ULK2: variants seen among roughly 807,000 people sequenced by gnomAD.
The protein encoded by ULK2 is serine/threonine-protein kinase ULK2.
In ULK2, 76 loss-of-function variants were observed where a neutral mutation model predicts 127.5. The ratio of observed to expected loss-of-function variants is 0.60; its 90% CI spans 0.50 to 0.72. The LOEUF (loss-of-function observed/expected upper bound fraction) is 0.72, where lower values mean the gene tolerates loss of function less well. ULK2 is among the 30% of genes least tolerant of loss of function. The pLI is 0.00. For synonymous variants in ULK2, 452 were observed against 461.9 expected, an observed-to-expected ratio of 0.98 and a Z score of 0.28; for missense variants, 1,144 against 1,295.9, an observed-to-expected ratio of 0.88 and a Z score of 1.80.
chr17:19,839,660 CAAAA>C (rs58657992), intron 9 of ULK2, among the ~76,000 whole-genome samples: 3 of 70,348 alleles, frequency 4.3e-5, no homozygotes, highest in Non-Finnish European at 6.6e-5. Context: ...GACTCTGTCT[CAAAA>C]AAAAAAAAAA....
intron 15 of ULK2, 148 bp downstream of exon 15, chr17:19,804,545 A>G: frequency 1.4e-6 from 1 of 730,688 alleles, no homozygotes; most frequent in East Asian, 3.1e-5. Context: ...TTCATCAATT[A>G]TAAAACTTTA....
At chr17:19,786,189 GTT>G (rs368136879) in intron 20 of ULK2, 103 bp from the exon 21 acceptor site, 159 of 871,744 alleles carry the variant, frequency 1.8e-4, no homozygotes, top group Middle Eastern at 3.8e-4. Flanking sequence ...GAGTCTAGTG[GTT>G]TTTTTTTTTT....
At chr17:19,818,759 C>G (rs974706993) in intron 12 of ULK2, among the ~76,000 whole-genome samples, 8 of 151,020 alleles carry the variant, frequency 5.3e-5, no homozygotes, top group Non-Finnish European at 8.8e-5. Flanking sequence ...CTAAAACCCT[C>G]TCAAATTATC....
intron 25 of ULK2, among the ~76,000 whole-genome samples, chr17:19,778,670 A>C (rs1191616469): frequency 6.6e-6 from 1 of 152,122 alleles, no homozygotes; most frequent in Non-Finnish European, 1.5e-5. Flanking sequence ...GCCTAGACTA[A>C]TCTTGAACTC....
chr17:19,780,979 C>T lies in ULK2; in HGVS notation c.2758+7G>A. On this transcript the variant is annotated splice_region_variant and intron_variant, in intron 24 of 26. Transcript: ENST00000395544. Reference sequence around the variant, plus strand: ...CCCCTGGAGTTACACGCTGCCTTCTCCCATACCTTGTTTCACAGCTGTGGA... The same window carrying T: ...CCCCTGGAGTTACACGCTGCCTTCTTCCATACCTTGTTTCACAGCTGTGGA... 1 of 1,613,484 alleles carries T rather than the reference C, an allele frequency of 6.2e-7. No homozygotes were observed. The highest frequency in any genetic ancestry group is 8.5e-7 in the Non-Finnish European group (1 of 1,179,660).
chr17:19,832,010 G>C (rs187807289), intron 10 of ULK2, among the ~76,000 whole-genome samples: 1 of 151,896 alleles, frequency 6.6e-6, no homozygotes, highest in Admixed American at 6.6e-5. Flanking sequence ...TGTAGTCCCA[G>C]CTACTCTGGA....
chr17:19,830,437 T>C (rs2041408939), intron 10 of ULK2, among the ~76,000 whole-genome samples: 1 of 152,074 alleles, frequency 6.6e-6, no homozygotes, highest in Non-Finnish European at 1.5e-5. Context: ...CCTGGCCTCA[T>C]GCAGTCTTCC....
rs1016985576 is a variant in ULK2, at chr17:19,816,641, C to A, written c.1096+108G>T. On this transcript the variant is annotated intron_variant, in intron 13 of 26. Coordinates refer to ENST00000395544, the MANE Select transcript of ULK2 (RefSeq NM_014683.4). ...AATTCAAACAACTAAATAAAATGCT[C>A]ATTTGAAAAGGTGCCCTACACAAGA... 4.1e-6 allele frequency: 4 copies of A among 979,428 alleles called. No individual in the cohort carries two copies. In the African/African-American group the frequency reaches 6.8e-5, roughly 17 times the overall value. 60.7% of individuals were successfully genotyped at this position (979,428 alleles called of 1,614,324 possible). A position where few individuals can be genotyped will look rare whatever the true frequency, so the allele number is the denominator to read the frequency against.
intron 3 of ULK2, among the ~76,000 whole-genome samples, chr17:19,852,472 G>C (rs9914344): frequency 7.7e-6 from 1 of 130,512 alleles, no homozygotes. Context: ...AGTGAGCCGA[G>C]ATCACCACTG....
intron 22 of ULK2, among the ~76,000 whole-genome samples, chr17:19,782,919 TAAACAAAC>T (rs4005459): frequency 2.7e-5 from 4 of 149,092 alleles, no homozygotes; most frequent in Non-Finnish European, 5.9e-5. Context: ...CTGTCTCAAA[TAAACAAAC>T]AAACAAACAA....
intron 12 of ULK2, among the ~76,000 whole-genome samples, chr17:19,824,433 C>A (rs1316880448): frequency 8.7e-6 from 1 of 114,838 alleles, no homozygotes; most frequent in African/African-American, 3.5e-5. Flanking sequence ...GGCGACAGAG[C>A]GAAACTCCAT....
intron 11 of ULK2, among the ~76,000 whole-genome samples, 160 bp downstream of exon 11, chr17:19,825,979 T>G (rs1397870232): frequency 4.6e-5 from 1 of 21,722 alleles, no homozygotes; most frequent in Admixed American, 5.3e-4. Context: ...AGAGCGAAAC[T>G]CCATCTCAAA....
At chr17:19,821,136 A>C (rs1414044911) in intron 12 of ULK2, among the ~76,000 whole-genome samples, 1 of 152,132 alleles carries the variant, frequency 6.6e-6, no homozygotes, top group Non-Finnish European at 1.5e-5. Flanking sequence ...GCGAAACCCC[A>C]TCTCTACTAA....
intron 8 of ULK2, among the ~76,000 whole-genome samples, 158 bp downstream of exon 8, chr17:19,842,961 TTC>T (rs2041800079): frequency 6.6e-6 from 1 of 152,182 alleles, no homozygotes; most frequent in Admixed American, 6.6e-5. Flanking sequence ...CCAAAAGACG[TTC>T]TGACTCACTA....
At chr17:19,821,297 ACT>A (rs2041136693) in intron 12 of ULK2, among the ~76,000 whole-genome samples, 1 of 152,078 alleles carries the variant, frequency 6.6e-6, no homozygotes, top group Non-Finnish European at 1.5e-5. Context: ...ACAGAGTGAG[ACT>A]CTGTCTCAAA....
intron 17 of ULK2, 105 bp downstream of exon 17, chr17:19,799,390 A>G (rs2087344935): frequency 1.1e-6 from 1 of 950,952 alleles, no homozygotes; most frequent in African/African-American, 1.7e-5. Flanking sequence ...ATGGCAGAGG[A>G]GATATTTCAT....
rs1597830956 is a variant in ULK2 at position 19,864,813 on chromosome 17, T to C, written c.215A>G (p.Tyr72Cys). 1.5e-6 allele frequency: 2 copies of C among 1,320,830 alleles called. No individual in the cohort carries two copies. The highest frequency in any genetic ancestry group is 2.0e-6 in the Non-Finnish European group (2 of 1,002,178). 81.8% of individuals were successfully genotyped at this position (1,320,830 alleles called of 1,614,324 possible). A position where few individuals can be genotyped will look rare whatever the true frequency, so the allele number is the denominator to read the frequency against. ...TTCAAAATAAGGTACCTGAACATCA[T>C]AGAGTGCTACAATATTTTCATGCTG... Reference protein sequence around the residue: ...ELQHENIVALYDVQELPNSVF... With the variant: ...ELQHENIVALCDVQELPNSVF... Residue 72 changes from tyrosine to cysteine, a missense_variant, in exon 3 of 27, where the codon TAT becomes TGT. Transcript: ENST00000395544.
At position 19,826,128 on chromosome 17, in the gene ULK2, T is replaced by A; in HGVS notation, c.835+11A>T. 7.0e-7 allele frequency: 1 copy of A among 1,430,774 alleles called. No homozygotes were observed. Among genetic ancestry groups the A allele is most frequent in the South Asian group, 1.7e-5 (1 of 58,232 alleles). 88.6% of individuals were successfully genotyped at this position (1,430,774 alleles called of 1,614,324 possible). Reference sequence around the variant, plus strand: ...ATTCTTTAAGTGAAAATACAAAAAATGGATACTCACATTTTTTTACTGGAC... The same window carrying A: ...ATTCTTTAAGTGAAAATACAAAAAAAGGATACTCACATTTTTTTACTGGAC... On this transcript the variant is annotated intron_variant, in intron 11 of 26. Coordinates refer to ENST00000395544, the MANE Select transcript of ULK2 (RefSeq NM_014683.4).
At chr17:19,799,707 T>C in intron 16 of ULK2, 132 bp from the exon 17 acceptor site, 1 of 801,952 alleles carries the variant, frequency 1.2e-6, no homozygotes, top group Admixed American at 3.6e-5. Context: ...GTAACAAACG[T>C]TTAGTTCAAC....
Sources: allele counts gnomAD v4.1 joint callset (sites outside exome capture counted in the v4.1 genomes callset), GRCh38; gene constraint gnomAD v4.1.1; transcripts MANE v1.5; gene names NCBI Gene and HGNC (gene_info 2026-07-23, HGNC 2026-07-21).